The following CFH variants were observed in gnomAD, a reference collection of about 807,000 sequenced individuals.
CFH encodes complement factor H.
Under a neutral mutation model 147.3 loss-of-function variants are expected in CFH, and 53 were observed. The observed-to-expected ratio is 0.36, with a 90% confidence interval of 0.29 to 0.45. The LOEUF (loss-of-function observed/expected upper bound fraction) is 0.45. Among genes scored for constraint, CFH ranks in the 20% least tolerant of loss-of-function variants. CFH has a pLI of 1.00. For missense variants in CFH, 1,380 were observed against 1,498.0 expected (o/e 0.92, Z 1.30); for synonymous variants, 536 against 489.4 (o/e 1.10, Z -1.26).
rs963283450 is a variant in CFH, at chr1:196,713,745, C to T, written c.1347C>T (p.Ser449=). 1.3e-6 allele frequency: 2 copies of T among 1,584,074 alleles called. No homozygotes were observed. The highest frequency in any genetic ancestry group is 2.7e-5 in the African/African-American group (2 of 74,158). Residue 449 remains serine, a synonymous_variant, in exon 10 of 22, where the codon TCC becomes TCT. Transcript: ENST00000367429. The part of the protein sequence containing the change: ...TPRCIRVKTC[S]KSSIDIENGF... Reference sequence around the variant, plus strand: ...TCTCTTCCCTTTTAGAAACATGTTCCAAATCAAGTATAGATATTGAGAATG... The same window carrying T: ...TCTCTTCCCTTTTAGAAACATGTTCTAAATCAAGTATAGATATTGAGAATG...
rs1406285219 is a variant in CFH at position 196,734,198 on chromosome 1, C to A, written c.2414-2626C>A. Among the ~76,000 whole-genome samples the A allele has an allele frequency of 9.9e-5, 15 of 152,190 alleles. No homozygotes were observed. The South Asian group carries it at 3.1e-3, about 32-fold the overall frequency. ...CTGGGGTCCATGCTCCATTGTGTTG[C>A]AACTTTTCTTACTTGTTCAATGTGA... On this transcript the variant is annotated intron_variant, in intron 15 of 21. Transcript: ENST00000367429.
At position 196,745,998 on chromosome 1, in the gene CFH, A is replaced by T; in HGVS notation, c.3492A>T (p.Leu1164Phe). The T allele has an allele frequency of 1.2e-6, 2 of 1,614,180 alleles. No individual in the cohort carries two copies. Among genetic ancestry groups the T allele is most frequent in the Non-Finnish European group, 1.7e-6 (2 of 1,180,018 alleles). ...AATGGTCAGAACCACCAAAATGCTT[A>T]CGTAAGTACTTTAATATTCACGTGG... ...NGQWSEPPKC[L>F]HPCVISREIM... Residue 1164 changes from leucine to phenylalanine, a missense_variant and splice_region_variant, in exon 21 of 22, where the codon TTA (leucine) becomes TTT (phenylalanine). By Grantham distance (22) the Leu-to-Phe change is conservative. Coordinates refer to ENST00000367429, the MANE Select transcript of CFH (RefSeq NM_000186.4).
intron 9 of CFH, among the ~76,000 whole-genome samples, chr1:196,702,328 T>C (rs1052436104): frequency 6.6e-6 from 1 of 152,008 alleles, no homozygotes; most frequent in Non-Finnish European, 1.5e-5. Context: ...GGGAACTCCA[T>C]TTAGCCGGGG....
intron 1 of CFH, among the ~76,000 whole-genome samples, chr1:196,667,105 T>A (rs995439879): frequency 2.0e-5 from 3 of 152,194 alleles, no homozygotes; most frequent in African/African-American, 7.2e-5. Flanking sequence ...ACTATGATGG[T>A]GGATTGCTTA....
At chr1:196,664,969 A>G (rs915619333) in intron 1 of CFH, among the ~76,000 whole-genome samples, 10 of 151,840 alleles carry the variant, frequency 6.6e-5, no homozygotes, top group Non-Finnish European at 1.5e-4. Context: ...AGTTTTATTT[A>G]ATAATAATAT....
At chr1:196,736,761 A>C in intron 15 of CFH, 63 bp from the exon 16 acceptor site, 1 of 846,770 alleles carries the variant, frequency 1.2e-6, no homozygotes, top group Non-Finnish European at 1.6e-6. Flanking sequence ...AAAAATTCTA[A>C]TTTTAATATT....
At chr1:196,714,892 G>C (rs996072024) in intron 10 of CFH, among the ~76,000 whole-genome samples, 6 of 150,622 alleles carry the variant, frequency 4.0e-5, no homozygotes, top group African/African-American at 1.2e-4. Flanking sequence ...ATAGAGACAG[G>C]GTTTTGCCAT....
chr1:196,736,706 A>T, intron 15 of CFH, 118 bp from the exon 16 acceptor site: 1 of 395,452 alleles, frequency 2.5e-6, no homozygotes, highest in Non-Finnish European at 3.8e-6. Flanking sequence ...ACAGTTATTG[A>T]TCTTTCTATT....
intron 17 of CFH, among the ~76,000 whole-genome samples, chr1:196,739,495 C>G (rs997368571): frequency 6.6e-5 from 10 of 152,176 alleles, no homozygotes; most frequent in Non-Finnish European, 1.2e-4. Context: ...CCACCAGTCT[C>G]TTTGCATAGC....
At chr1:196,728,235 T>A (rs1669193807) in intron 14 of CFH, 111 bp from the exon 15 acceptor site, 1 of 780,328 alleles carries the variant, frequency 1.3e-6, no homozygotes, top group Admixed American at 3.4e-5. Context: ...TTTATAATGA[T>A]TAAGTCATAA....
intron 9 of CFH, among the ~76,000 whole-genome samples, chr1:196,699,436 A>G (rs1199091086): frequency 6.6e-6 from 1 of 152,190 alleles, no homozygotes; most frequent in East Asian, 1.9e-4. Context: ...TGTGGCTACA[A>G]GCCCTTCACT....
chr1:196,737,782 C>A (rs1652621621), intron 17 of CFH, 122 bp downstream of exon 17: 2 of 681,866 alleles, frequency 2.9e-6, no homozygotes, highest in Non-Finnish European at 4.8e-6. Flanking sequence ...ATATATTATA[C>A]CATTAAAATA....
chr1:196,692,193 G>T (rs1016112994), intron 9 of CFH, among the ~76,000 whole-genome samples: 15 of 151,958 alleles, frequency 9.9e-5, no homozygotes, highest in Non-Finnish European at 4.4e-5. Context: ...GCAATGTCGC[G>T]ATCTCGCCTC....
At chr1:196,734,619 G>C (rs1446159887) in intron 15 of CFH, among the ~76,000 whole-genome samples, 4 of 151,996 alleles carry the variant, frequency 2.6e-5, no homozygotes, top group Non-Finnish European at 5.9e-5. Context: ...TCTCATAAAG[G>C]GAATTGTTTC....
intron 1 of CFH, among the ~76,000 whole-genome samples, chr1:196,670,587 C>T (rs1370626439): frequency 2.0e-5 from 3 of 152,150 alleles, no homozygotes; most frequent in African/African-American, 7.2e-5. Context: ...GTCTTTCCTT[C>T]CCCTTCCACC....
Position 196,690,200 on chromosome 1 carries a change from G to C in CFH, c.1297G>C (p.Glu433Gln), listed in dbSNP as rs1667977013. The C allele has an allele frequency of 1.9e-6, 3 of 1,613,398 alleles. No individual in the cohort carries two copies. The highest frequency in any genetic ancestry group is 2.2e-5 in the East Asian group (1 of 44,826). ...PKAQTTVTCM[E>Q]NGWSPTPRCI... The stretch of plus-strand genomic sequence containing the variant: ...AGCGCAGACCACAGTTACATGTATG[G>C]AGAATGGCTGGTCTCCTACTCCCAG... Residue 433 changes from glutamate (E) to glutamine (Q), a missense_variant, in exon 9 of 22, where the codon GAG (glutamate) becomes CAG (glutamine). Glu to Gln is a conservative substitution (Grantham distance 29). This residue lies in a region of CFH where 830 missense variants were observed against 821.4 expected (regional missense o/e 1.01). Transcript: ENST00000367429.
chr1:196,727,305 T>A (rs775497009), intron 14 of CFH, among the ~76,000 whole-genome samples: 4 of 152,012 alleles, frequency 2.6e-5, no homozygotes, highest in Non-Finnish European at 4.4e-5. Flanking sequence ...AGGTAGACAC[T>A]AGTGTGGGCA....
intron 9 of CFH, among the ~76,000 whole-genome samples, chr1:196,698,136 C>T (rs61819952): frequency 0.2 from 29,813 of 151,730 alleles, 3,445 homozygotes; most frequent in East Asian, 0.36. Flanking sequence ...CACATGTACC[C>T]TAAAACTTAA....
intron 9 of CFH, among the ~76,000 whole-genome samples, chr1:196,712,364 A>G (rs1668741877): frequency 6.6e-6 from 1 of 151,268 alleles, no homozygotes; most frequent in Admixed American, 6.6e-5. Context: ...GTTATAATTT[A>G]TTATAAATAA....
Sources: gnomAD v4.1 joint callset for allele counts (sites outside exome capture counted in the v4.1 genomes callset) on GRCh38, gnomAD v4.1.1 for gene constraint, gnomAD v4.1.1 regional missense constraint, MANE v1.5 for transcripts, NCBI Gene and HGNC (gene_info 2026-07-23, HGNC 2026-07-21) for gene names.